The following WASF2 variants were observed in gnomAD, a reference collection of about 807,000 sequenced individuals.
WASF2 encodes the protein WASP family member 2.
A neutral mutation model predicts 45.0 loss-of-function variants in WASF2; 14 were observed. That is an observed-to-expected ratio of 0.31 (90% CI 0.21 to 0.49). The LOEUF is 0.49. Among genes scored for constraint, WASF2 ranks in the 20% least tolerant of loss-of-function variants. WASF2 has a pLI of 0.99. For synonymous variants in WASF2, 200 were observed against 236.3 expected, an observed-to-expected ratio of 0.85 and a Z score of 1.41; for missense variants, 439 against 636.1, an observed-to-expected ratio of 0.69 and a Z score of 3.33.
intron 1 of WASF2, among the ~76,000 whole-genome samples, chr1:27,440,244 G>C (rs535390249): frequency 5.9e-5 from 9 of 152,048 alleles, no homozygotes; most frequent in Middle Eastern, 3.4e-3. Flanking sequence ...TTAAAATGGG[G>C]TGGGTATGGT....
intron 1 of WASF2, among the ~76,000 whole-genome samples, chr1:27,476,915 T>C (rs1454324548): frequency 6.6e-6 from 1 of 152,158 alleles, no homozygotes; most frequent in African/African-American, 2.4e-5. Flanking sequence ...GGTAATTCAG[T>C]GACAGAAAAA....
In WASF2 at chr1:27,490,095, C is replaced by A. The variant is rs549498915; in HGVS notation, c.-153G>T. 2 of 152,254 alleles carry A rather than the reference C, an allele frequency of 1.3e-5. No homozygotes were observed. Among genetic ancestry groups the A allele is most frequent in the Non-Finnish European group, 2.9e-5 (2 of 68,070 alleles). 9.4% of individuals were successfully genotyped at this position (152,254 alleles called of 1,614,324 possible). A position where few individuals can be genotyped will look rare whatever the true frequency, so the allele number is the denominator to read the frequency against. Reference sequence around the variant, plus strand: ...TCGCGGGCTGCCAAACGGCCGGACCCCCTCAGCGCGCTACGCCCCCAGCCG... The same window carrying A: ...TCGCGGGCTGCCAAACGGCCGGACCACCTCAGCGCGCTACGCCCCCAGCCG... On this transcript the variant is annotated 5_prime_UTR_variant, in exon 1 of 9. Transcript: ENST00000618852.
Position 27,414,296 on chromosome 1 carries a change from T to C in WASF2, c.668+537A>G, listed in dbSNP as rs2016800650. ...CCTCTTATTTCTCCACAGAGATATA[T>C]AGCCTCAATACTGGCCAAGCAACCT... On this transcript the variant is annotated intron_variant, in intron 6 of 8. Coordinates refer to ENST00000618852, the MANE Select transcript of WASF2 (RefSeq NM_006990.5). This position sits in a 1 kb window ranked among gnomAD's most constrained non-coding sequence, Gnocchi z 4.1. 6.6e-6 allele frequency among the ~76,000 whole-genome samples: 1 copy of C among 152,224 alleles called. No individual in the cohort carries two copies. Among genetic ancestry groups the C allele is most frequent in the Non-Finnish European group, 1.5e-5 (1 of 68,032 alleles).
chr1:27,422,255 T>C (rs1335996660), intron 2 of WASF2, among the ~76,000 whole-genome samples: 2 of 152,142 alleles, frequency 1.3e-5, no homozygotes, highest in Non-Finnish European at 2.9e-5. Context: ...GCTTCCCCAC[T>C]ATCTCATCAC....
At chr1:27,479,022 C>T (rs1223214120) in intron 1 of WASF2, among the ~76,000 whole-genome samples, 2 of 151,992 alleles carry the variant, frequency 1.3e-5, no homozygotes, top group Non-Finnish European at 1.5e-5. Context: ...TGTGGTGGCT[C>T]ACGCCTGTAA....
intron 2 of WASF2, among the ~76,000 whole-genome samples, chr1:27,426,395 A>T (rs1343719542): frequency 6.6e-6 from 1 of 152,212 alleles, no homozygotes; most frequent in Admixed American, 6.5e-5. Flanking sequence ...AGTCTAAACC[A>T]GGGCAATATT....
rs544454683 is a variant in WASF2 at position 27,488,463 on chromosome 1, A to C, written c.-44+1523T>G. On this transcript the variant is annotated intron_variant, in intron 1 of 8. Coordinates refer to ENST00000618852, the MANE Select transcript of WASF2 (RefSeq NM_006990.5). ...CATCCCAAGAAAATGTGGCCCTCTGATGGAGGAGAAGAAGCGAATGGGCTG... is the reference window on the plus strand; with the variant it reads ...CATCCCAAGAAAATGTGGCCCTCTGCTGGAGGAGAAGAAGCGAATGGGCTG... Among the ~76,000 whole-genome samples, 18 of 152,320 alleles carry C rather than the reference A, an allele frequency of 1.2e-4. No individual in the cohort carries two copies. In the East Asian group the frequency reaches 2.9e-3, roughly 24 times the overall value.
In WASF2 at chr1:27,408,070, T is replaced by C. The variant is rs774984182; in HGVS notation, c.*119A>G. Reference sequence around the variant, plus strand: ...ATCTTTGGTTGCTTCAGGGAAAGCTTTGGCCCCTTAAAATTACTTTTTTCC... The same window carrying C: ...ATCTTTGGTTGCTTCAGGGAAAGCTCTGGCCCCTTAAAATTACTTTTTTCC... On this transcript the variant is annotated 3_prime_UTR_variant, in exon 9 of 9. Transcript: ENST00000618852. The C allele has an allele frequency of 2.1e-4, 259 of 1,239,976 alleles. No homozygotes were observed. Among genetic ancestry groups the C allele is most frequent in the Non-Finnish European group, 2.7e-4 (242 of 901,064 alleles). 76.8% of individuals were successfully genotyped at this position (1,239,976 alleles called of 1,614,324 possible).
intron 1 of WASF2, among the ~76,000 whole-genome samples, chr1:27,468,232 G>A (rs936272478): frequency 1.3e-5 from 2 of 152,058 alleles, no homozygotes; most frequent in Admixed American, 1.3e-4. Flanking sequence ...GGAATAAAAG[G>A]GATAGAGGAA....
intron 1 of WASF2, among the ~76,000 whole-genome samples, chr1:27,430,649 G>GT (rs978677650): frequency 2.6e-5 from 4 of 151,752 alleles, no homozygotes; most frequent in Non-Finnish European, 5.9e-5. Context: ...CAGCCTTTTT[G>GT]TTTTTTTGAG....
intron 1 of WASF2, among the ~76,000 whole-genome samples, chr1:27,474,236 C>T (rs1264178238): frequency 6.6e-6 from 1 of 152,150 alleles, no homozygotes; most frequent in African/African-American, 2.4e-5. Flanking sequence ...ATTCTCTTTA[C>T]TTACATGTAT....
chr1:27,435,375 A>G lies in WASF2; in HGVS notation c.-43-6442T>C, dbSNP rs114995978. Among the ~76,000 whole-genome samples the G allele has an allele frequency of 2.7e-3, 410 of 152,272 alleles. 1 individual carries two copies. The highest frequency in any genetic ancestry group is 9.7e-3 in the African/African-American group (402 of 41,534). ...TGAGACCGGAAGATTGCTTGAGCTC[A>G]GGAGTTCAAGACCAGCTTGGGCAAA... On this transcript the variant is annotated intron_variant, in intron 1 of 8. Transcript: ENST00000618852.
chr1:27,439,385 C>T (rs144675287), intron 1 of WASF2, among the ~76,000 whole-genome samples: 14 of 152,216 alleles, frequency 9.2e-5, no homozygotes, highest in African/African-American at 2.9e-4. Flanking sequence ...CTAGCACATG[C>T]CCTGTTCTAA....
intron 1 of WASF2, among the ~76,000 whole-genome samples, chr1:27,473,455 C>CAAAAAAAAAAAAAA (rs752426888): frequency 8.0e-5 from 4 of 49,738 alleles, no homozygotes; most frequent in African/African-American, 1.5e-4. Flanking sequence ...ACTCCATGGC[C>CAAAAAAAAAAAAAA]AAAAAAAAAA....
chr1:27,485,532 T>C (rs2017911649), intron 1 of WASF2, among the ~76,000 whole-genome samples: 1 of 152,212 alleles, frequency 6.6e-6, no homozygotes, highest in Non-Finnish European at 1.5e-5. Flanking sequence ...TATTAAAGCA[T>C]AAATTGTGGT....
chr1:27,415,558 C>T (rs79098884), intron 5 of WASF2, among the ~76,000 whole-genome samples: 2,485 of 152,160 alleles, frequency 0.016, 67 homozygotes, highest in African/African-American at 0.056. Context: ...CCACCCTAGC[C>T]CCGCCCAGCC....
chr1:27,419,311 C>T (rs1367046172), intron 2 of WASF2, among the ~76,000 whole-genome samples: 1 of 152,186 alleles, frequency 6.6e-6, no homozygotes, highest in Admixed American at 6.5e-5. Flanking sequence ...ATAGAGTCTT[C>T]TTGACAGACG....
chr1:27,404,476 C>T lies in WASF2; in HGVS notation c.*3713G>A, dbSNP rs2016634215. 6.6e-6 allele frequency: 1 copy of T among 152,096 alleles called. No individual in the cohort carries two copies. The highest frequency in any genetic ancestry group is 6.5e-5 in the Admixed American group (1 of 15,274). The allele number at this position is 152,096 out of a possible 1,614,324, so 9.4% of individuals were successfully genotyped here. A position where few individuals can be genotyped will look rare whatever the true frequency, so the allele number is the denominator to read the frequency against. On this transcript the variant is annotated 3_prime_UTR_variant, in exon 9 of 9. Coordinates refer to ENST00000618852, the MANE Select transcript of WASF2 (RefSeq NM_006990.5). ...GGTCACTTTAGGGGTCTGGCTTAAC[C>T]CACTGCCTAGATCTCCAACTGAAGA...
At chr1:27,460,532 T>C (rs966126928) in intron 1 of WASF2, among the ~76,000 whole-genome samples, 1 of 152,154 alleles carries the variant, frequency 6.6e-6, no homozygotes, top group African/African-American at 2.4e-5. Context: ...AGGGTGTCCA[T>C]TCACCTTGGT....
Sources: allele counts gnomAD v4.1 joint callset (sites outside exome capture counted in the v4.1 genomes callset), GRCh38; gene constraint gnomAD v4.1.1; non-coding constraint Gnocchi (gnomAD v3.1); transcripts MANE v1.5; gene names NCBI Gene and HGNC (gene_info 2026-07-23, HGNC 2026-07-21).